Variants in FN1 observed in about 807,000 individuals in gnomAD.
The protein encoded by FN1 is fibronectin.
Under a neutral mutation model 297.3 loss-of-function variants are expected in FN1, and 106 were observed. The observed-to-expected ratio is 0.36, with a 90% CI of 0.30 to 0.42. The LOEUF (loss-of-function observed/expected upper bound fraction) is 0.42. FN1 is among the 10% of genes least tolerant of loss of function. The pLI is 1.00. For synonymous variants in FN1, 1,149 were observed against 1,152.6 expected, an observed-to-expected ratio of 1.00 and a Z score of 0.06; for missense variants, 2,690 against 3,124.9, an observed-to-expected ratio of 0.86 and a Z score of 3.32.
In FN1 at chr2:215,379,242, T is replaced by C. The variant is rs1199886247; in HGVS notation, c.5510A>G (p.Asn1837Ser). 5.0e-6 allele frequency: 8 copies of C among 1,613,820 alleles called. No individual in the cohort carries two copies. In the Admixed American group the frequency reaches 5.0e-5, roughly 10 times the overall value. The change falls in exon 34 of 46, where the codon AAT becomes AGT. Residue 1837 changes from asparagine (N) to serine (S), a missense_variant. By Grantham distance (46) the Asn-to-Ser change is conservative. This residue lies in a region of FN1 where 1,743 missense variants were observed against 1,945.2 expected (regional missense o/e 0.90). Coordinates refer to ENST00000354785, the MANE Select transcript of FN1 (RefSeq NM_212482.4). ...TSLSAQWTPP[N>S]VQLTGYRVRV... ...CACTCGATATCCAGTGAGCTGAACATTGGGTGGTGTCCACTGGGCGCTCAG... is the reference window on the plus strand; with the variant it reads ...CACTCGATATCCAGTGAGCTGAACACTGGGTGGTGTCCACTGGGCGCTCAG...
chr2:215,426,143 C>CTTT (rs58002948), intron 6 of FN1, among the ~76,000 whole-genome samples: 8 of 101,076 alleles, frequency 7.9e-5, no homozygotes, highest in African/African-American at 1.4e-4. Flanking sequence ...TTTCTTTTTT[C>CTTT]TTTTTTTTTT....
chr2:215,380,980 C>T lies in FN1; in HGVS notation c.5265G>A (p.Val1755=). 1.2e-6 allele frequency: 2 copies of T among 1,614,224 alleles called. No homozygotes were observed. Among genetic ancestry groups the T allele is most frequent in the Non-Finnish European group, 1.7e-6 (2 of 1,180,040 alleles). The change falls in exon 33 of 46, where the codon GTG becomes GTA. Residue 1755 remains valine, a synonymous_variant. Coordinates refer to ENST00000354785, the MANE Select transcript of FN1 (RefSeq NM_212482.4). ...TTCCATCCTCAGGGCTCGAGTAGGT[C>T]ACCCTGTACCTGGAAACTTGCCCCT... ...SPQGQVSRYR[V]TYSSPEDGIH...
intron 41 of FN1, among the ~76,000 whole-genome samples, chr2:215,368,524 C>T (rs893304975): frequency 6.6e-6 from 1 of 152,112 alleles, no homozygotes; most frequent in Non-Finnish European, 1.5e-5. Context: ...AAACATTGAC[C>T]CTTTTCCAAG....
intron 13 of FN1, among the ~76,000 whole-genome samples, chr2:215,410,853 TATG>T (rs1440396818): frequency 1.3e-5 from 2 of 152,226 alleles, no homozygotes; most frequent in Non-Finnish European, 2.9e-5. Context: ...AGTAACATAA[TATG>T]ATGAACCTAA....
intron 20 of FN1, among the ~76,000 whole-genome samples, chr2:215,403,391 A>G (rs921918292): frequency 1.3e-5 from 2 of 152,176 alleles, no homozygotes; most frequent in African/African-American, 4.8e-5. Context: ...CTAGGCTTGT[A>G]TGGACTTTTT....
chr2:215,370,255 A>G (rs2055603572), intron 41 of FN1, 39 bp downstream of exon 41: 2 of 1,609,846 alleles, frequency 1.2e-6, no homozygotes, highest in Non-Finnish European at 1.7e-6. Flanking sequence ...GGTGTACAGC[A>G]GAGGGGAGCC....
Position 215,361,318 on chromosome 2 carries a change from T to C in FN1, c.*237A>G. Reference sequence around the variant, plus strand: ...ACTTCATTTAAAATACTGAGCGGTATTGAATACTTCGAAGCAGAACAGGCA... The same window carrying C: ...ACTTCATTTAAAATACTGAGCGGTACTGAATACTTCGAAGCAGAACAGGCA... On this transcript the variant is annotated 3_prime_UTR_variant, in exon 46 of 46. Coordinates refer to ENST00000354785, the MANE Select transcript of FN1 (RefSeq NM_212482.4). 1.9e-6 allele frequency: 1 copy of C among 537,886 alleles called. No individual in the cohort carries two copies. The highest frequency in any genetic ancestry group is 3.3e-6 in the Non-Finnish European group (1 of 298,560). 33.3% of individuals were successfully genotyped at this position (537,886 alleles called of 1,614,324 possible). A position where few individuals can be genotyped will look rare whatever the true frequency, so the allele number is the denominator to read the frequency against.
intron 27 of FN1, 35 bp downstream of exon 27, chr2:215,388,172 GCAAAA>G (rs1316123446): frequency 2.1e-6 from 3 of 1,409,138 alleles, no homozygotes; most frequent in Non-Finnish European, 3.0e-6. Context: ...GAATTGATAG[GCAAAA>G]GCTACTGGAT....
chr2:215,368,169 T>C, intron 41 of FN1, 142 bp from the exon 42 acceptor site: 1 of 921,386 alleles, frequency 1.1e-6, no homozygotes, highest in Non-Finnish European at 1.7e-6. Context: ...ATCTGTTCTA[T>C]CAAGGCATTA....
At chr2:215,414,040 TG>T (rs1364736033) in intron 13 of FN1, among the ~76,000 whole-genome samples, 2 of 152,228 alleles carry the variant, frequency 1.3e-5, no homozygotes, top group African/African-American at 4.8e-5. Context: ...TTTAACCGCC[TG>T]GGTTGGTCAA....
At chr2:215,423,280 G>C in intron 9 of FN1, 70 bp downstream of exon 9, 2 of 1,504,822 alleles carry the variant, frequency 1.3e-6, no homozygotes, top group Non-Finnish European at 1.8e-6. Flanking sequence ...GAGTAAACTG[G>C]ACACTAGTCT....
At chr2:215,423,014 T>C (rs375861544) in intron 9 of FN1, among the ~76,000 whole-genome samples, 35 of 152,220 alleles carry the variant, frequency 2.3e-4, no homozygotes, top group African/African-American at 7.7e-4. Context: ...TGTTGTAAGC[T>C]ACTCAGTTGT....
chr2:215,420,900 A>AT, intron 10 of FN1, 99 bp from the exon 11 acceptor site: 1 of 1,045,740 alleles, frequency 9.6e-7, no homozygotes, highest in Non-Finnish European at 1.5e-6. Flanking sequence ...CTTCCACTTA[A>AT]TTATCAACAC....
intron 44 of FN1, 137 bp from the exon 45 acceptor site, chr2:215,362,216 G>T: frequency 1.4e-6 from 1 of 700,980 alleles, no homozygotes; most frequent in Non-Finnish European, 2.6e-6. Flanking sequence ...AGCAAGCTTT[G>T]ATGATGATTT....
intron 20 of FN1, among the ~76,000 whole-genome samples, chr2:215,401,697 T>G (rs2106212176): frequency 6.6e-6 from 1 of 152,288 alleles, no homozygotes; most frequent in African/African-American, 2.4e-5. Flanking sequence ...TCAACTCAAC[T>G]CCAGTCAATT....
rs1233984834 is a variant in FN1, at chr2:215,435,853, A to C, written c.-51T>G. The stretch of plus-strand genomic sequence containing the variant: ...CGCACCGGGAGGCAAGTTGCCACCA[A>C]GTTTGCTTCCCTTCGCAACCTGCGG... On this transcript the variant is annotated 5_prime_UTR_variant, in exon 1 of 46. Transcript: ENST00000354785. 4 of 1,504,678 alleles carry C rather than the reference A, an allele frequency of 2.7e-6. No individual in the cohort carries two copies. The African/African-American group carries it at 4.2e-5, about 16-fold the overall frequency. The allele number at this position is 1,504,678 out of a possible 1,614,324, so 93.2% of individuals were successfully genotyped here. A position where few individuals can be genotyped will look rare whatever the true frequency, so the allele number is the denominator to read the frequency against.
intron 41 of FN1, among the ~76,000 whole-genome samples, chr2:215,369,297 G>C (rs554311483): frequency 6.6e-6 from 1 of 150,838 alleles, no homozygotes; most frequent in Non-Finnish European, 1.5e-5. Flanking sequence ...CATTCTACTA[G>C]TAAAACCACA....
intron 38 of FN1, among the ~76,000 whole-genome samples, chr2:215,373,836 G>A (rs977410040): frequency 6.6e-6 from 1 of 151,836 alleles, no homozygotes; most frequent in Non-Finnish European, 1.5e-5. Context: ...CCATCACCAC[G>A]CCTGGCTAAT....
rs2106287957 is a variant in FN1, at chr2:215,375,345, G to A, written c.6026C>T (p.Ser2009Phe). The change falls in exon 38 of 46, where the codon TCC (serine) becomes TTC (phenylalanine). Residue 2009 changes from serine to phenylalanine, a missense_variant. Ser to Phe is a radical substitution (Grantham distance 155). This residue lies in a region of FN1 where 1,743 missense variants were observed against 1,945.2 expected (regional missense o/e 0.90). Transcript: ENST00000354785. The part of the protein sequence containing the change: ...NLRFLATTPN[S>F]LLVSWQPPRA... ...TGGCGGCTGCCATGATACCAGCAAG[G>A]AATTGGGTGTGGTGGCCAGGAAACG... 6.2e-7 allele frequency: 1 copy of A among 1,614,132 alleles called. No homozygotes were observed. The highest frequency in any genetic ancestry group is 8.5e-7 in the Non-Finnish European group (1 of 1,180,012).
Sources: allele counts gnomAD v4.1 joint callset (sites outside exome capture counted in the v4.1 genomes callset), GRCh38; gene constraint gnomAD v4.1.1; regional missense constraint gnomAD v4.1.1; transcripts MANE v1.5; gene names NCBI Gene and HGNC (gene_info 2026-07-23, HGNC 2026-07-21).